EXOC6: variants seen among roughly 807,000 people sequenced by gnomAD.
The protein encoded by EXOC6 is SEC15-like 1.
A neutral mutation model predicts 112.5 loss-of-function variants in EXOC6; 60 were observed. That is an observed-to-expected ratio of 0.53 (90% CI 0.43 to 0.66). The LOEUF is 0.66. Ranked by LOEUF, EXOC6 falls within the 30% of genes least tolerant of loss-of-function variation. The pLI is 0.00. For synonymous variants in EXOC6, 295 were observed against 308.0 expected, an observed-to-expected ratio of 0.96 and a Z score of 0.44; for missense variants, 855 against 957.1, an observed-to-expected ratio of 0.89 and a Z score of 1.41.
chr10:92,930,744 A>G (rs548622417), intron 9 of EXOC6, among the ~76,000 whole-genome samples: 14 of 152,316 alleles, frequency 9.2e-5, no homozygotes, highest in African/African-American at 3.1e-4. Context: ...TATGTGAGTT[A>G]CATAAAGCAT....
At chr10:92,963,725 C>T (rs1854147927) in intron 17 of EXOC6, among the ~76,000 whole-genome samples, 1 of 152,002 alleles carries the variant, frequency 6.6e-6, no homozygotes, top group Non-Finnish European at 1.5e-5. Context: ...AACTCCTGGG[C>T]TTAAGTGATC....
intron 20 of EXOC6, among the ~76,000 whole-genome samples, chr10:93,051,239 A>G (rs1416080619): frequency 6.6e-6 from 1 of 152,042 alleles, no homozygotes; most frequent in African/African-American, 2.4e-5. Flanking sequence ...AACATTCTAC[A>G]TTTGCATGTA....
chr10:93,027,719 C>T (rs1157473530), intron 20 of EXOC6, among the ~76,000 whole-genome samples: 1 of 152,242 alleles, frequency 6.6e-6, no homozygotes. Flanking sequence ...GTTGAGACCT[C>T]CTGCTCAGAA....
chr10:92,975,430 TGAG>T (rs1371329979), intron 18 of EXOC6, among the ~76,000 whole-genome samples: 17 of 144,030 alleles, frequency 1.2e-4, no homozygotes, highest in African/African-American at 4.4e-4. Flanking sequence ...GTCTGGGAAG[TGAG>T]GAGCGTCTCC....
At chr10:93,019,343 C>T (rs939237637) in intron 20 of EXOC6, among the ~76,000 whole-genome samples, 1 of 152,050 alleles carries the variant, frequency 6.6e-6, no homozygotes, top group African/African-American at 2.4e-5. Context: ...TTTTGTTTTC[C>T]AGAGCCAAGA....
chr10:92,960,355 G>A (rs1161959145), intron 17 of EXOC6, among the ~76,000 whole-genome samples: 1 of 152,174 alleles, frequency 6.6e-6, no homozygotes. Flanking sequence ...GAGTGAGGGA[G>A]TGGTGGAGGG....
At position 92,940,758 on chromosome 10, in the gene EXOC6, A is replaced by G; in HGVS notation, c.1244A>G (p.Asp415Gly). The change falls in exon 13 of 22, where the codon GAC (aspartate) becomes GGC (glycine). Residue 415 changes from aspartate (D) to glycine (G), a missense_variant. By Grantham distance (94) the Asp-to-Gly change is moderately conservative. Around this residue, in one of 2 missense-constraint regions of EXOC6, gnomAD observed 450 missense variants for 563.5 expected, o/e 0.80. Transcript: ENST00000260762. Reference sequence around the variant, plus strand: ...GGTTTTCCAGTGAACCGACTTTTTGACCTTTTATTTGAAATAAGAGACCAA... The same window carrying G: ...GGTTTTCCAGTGAACCGACTTTTTGGCCTTTTATTTGAAATAAGAGACCAA... ...GYGFPVNRLF[D>G]LLFEIRDQYN... 1.3e-6 allele frequency: 2 copies of G among 1,594,938 alleles called. No homozygotes were observed. Among genetic ancestry groups the G allele is most frequent in the Admixed American group, 1.7e-5 (1 of 58,438 alleles).
At chr10:92,893,941 G>T (rs546109962) in intron 2 of EXOC6, among the ~76,000 whole-genome samples, 19 of 152,266 alleles carry the variant, frequency 1.2e-4, no homozygotes, top group African/African-American at 4.6e-4. Flanking sequence ...TTTAACAGCA[G>T]TGTGTATTTT....
intron 7 of EXOC6, among the ~76,000 whole-genome samples, chr10:92,916,640 C>T (rs1311896051): frequency 6.6e-6 from 1 of 152,220 alleles, no homozygotes; most frequent in East Asian, 1.9e-4. Flanking sequence ...TCTTTCAAAA[C>T]AATTTGCATA....
At chr10:92,937,544 A>T (rs975637398) in intron 12 of EXOC6, among the ~76,000 whole-genome samples, 5 of 152,200 alleles carry the variant, frequency 3.3e-5, no homozygotes, top group Admixed American at 2.0e-4. Context: ...AAGCTCCTTT[A>T]GTAAATTATT....
At chr10:92,943,024 A>ATT (rs202118303) in intron 13 of EXOC6, among the ~76,000 whole-genome samples, 3 of 144,202 alleles carry the variant, frequency 2.1e-5, no homozygotes, top group Non-Finnish European at 3.1e-5. Flanking sequence ...TTTTTGCCTA[A>ATT]TTTTTTTTTT....
At chr10:92,932,700 A>AT (rs1852112434) in intron 9 of EXOC6, among the ~76,000 whole-genome samples, 1 of 152,168 alleles carries the variant, frequency 6.6e-6, no homozygotes, top group Non-Finnish European at 1.5e-5. Flanking sequence ...AACAAAAGGA[A>AT]TGTGATGCCA....
chr10:92,915,338 T>C (rs1483488072), intron 6 of EXOC6, among the ~76,000 whole-genome samples: 1 of 151,650 alleles, frequency 6.6e-6, no homozygotes, highest in Admixed American at 6.6e-5. Flanking sequence ...GCCAGGAGTT[T>C]GGGACCAGCC....
At chr10:92,977,572 T>G (rs1842675933) in intron 18 of EXOC6, among the ~76,000 whole-genome samples, 1 of 152,152 alleles carries the variant, frequency 6.6e-6, no homozygotes, top group South Asian at 2.1e-4. Flanking sequence ...TTTATATAGT[T>G]TATACTAAAT....
At chr10:92,970,942 G>C (rs141013855) in intron 17 of EXOC6, among the ~76,000 whole-genome samples, 45 of 152,350 alleles carry the variant, frequency 3.0e-4, no homozygotes, top group African/African-American at 1.1e-3. Flanking sequence ...GTCTGTTCTT[G>C]CTGAGTGGAG....
chr10:92,914,809 A>G (rs1850991974), intron 6 of EXOC6, among the ~76,000 whole-genome samples: 2 of 152,314 alleles, frequency 1.3e-5, no homozygotes, highest in South Asian at 4.1e-4. Flanking sequence ...CGACCTTTCT[A>G]TGTGCTAACA....
At chr10:92,948,465 A>G in intron 14 of EXOC6, 86 bp downstream of exon 14, 1 of 773,356 alleles carries the variant, frequency 1.3e-6, no homozygotes, top group Non-Finnish European at 2.0e-6. Context: ...TTAAGCTGAG[A>G]CTGTAAATAA....
chr10:92,834,776 T>C lies in EXOC6; in HGVS notation c.38T>C (p.Val13Ala), dbSNP rs1434442972. ...GAAACAGATCAAACCTATGAGAATG[T>C]CCTGGCTGAGATTCAGTCTTTCGAA... The change falls in exon 1 of 22, where the codon GTC (valine) becomes GCC (alanine). Residue 13 changes from valine (V) to alanine (A), a missense_variant. Transcript: ENST00000371552. The C allele has an allele frequency of 2.5e-6, 4 of 1,610,662 alleles. No individual in the cohort carries two copies. The African/African-American group carries it at 5.3e-5, about 22-fold the overall frequency.
intron 1 of EXOC6, among the ~76,000 whole-genome samples, chr10:92,851,243 G>A (rs1320742537): frequency 2.0e-5 from 3 of 152,160 alleles, no homozygotes; most frequent in Admixed American, 6.5e-5. Flanking sequence ...GATCAGAGTG[G>A]TATTCAGTGA....
Sources: allele counts gnomAD v4.1 joint callset (sites outside exome capture counted in the v4.1 genomes callset), GRCh38; gene constraint gnomAD v4.1.1; regional missense constraint gnomAD v4.1.1; transcripts MANE v1.5; gene names NCBI Gene and HGNC (gene_info 2026-07-23, HGNC 2026-07-21).